The following RBPJ variants were observed in gnomAD, a reference collection of about 807,000 sequenced individuals.
The protein encoded by RBPJ is recombination signal binding protein for immunoglobulin kappa J region, also known as recombining binding protein suppressor of hairless.
A neutral mutation model predicts 67.8 loss-of-function variants in RBPJ; 9 were observed. That is an observed-to-expected ratio of 0.13 (90% CI 0.08 to 0.23). RBPJ has a LOEUF of 0.23. Among genes scored for constraint, RBPJ ranks in the 10% least tolerant of loss-of-function variants. The probability of loss-of-function intolerance (pLI) is 1.00; values close to 1 mark genes in which losing one functional copy is unlikely to be tolerated. For missense variants in RBPJ, 305 were observed against 595.6 expected, an observed-to-expected ratio of 0.51 and a Z score of 5.08; for synonymous variants, 198 against 203.3, an observed-to-expected ratio of 0.97 and a Z score of 0.22.
At chr4:26,182,885 C>T (rs945982223) in intron 1 of RBPJ, among the ~76,000 whole-genome samples, 5 of 152,194 alleles carry the variant, frequency 3.3e-5, no homozygotes, top group Admixed American at 1.3e-4. Flanking sequence ...TCACTGTCTT[C>T]TCCCTCCACA....
At chr4:26,179,667 CAG>C (rs1716913005) in intron 1 of RBPJ, among the ~76,000 whole-genome samples, 1 of 152,068 alleles carries the variant, frequency 6.6e-6, no homozygotes, top group East Asian at 1.9e-4. Context: ...CAAAAAATAA[CAG>C]ATGCTGGCAA....
chr4:26,351,953 G>A (rs191023051), intron 1 of RBPJ, among the ~76,000 whole-genome samples: 44 of 152,282 alleles, frequency 2.9e-4, no homozygotes, highest in Middle Eastern at 3.4e-3. Flanking sequence ...TTTGGGTCGG[G>A]GGGAGGTGTG....
intron 1 of RBPJ, among the ~76,000 whole-genome samples, chr4:26,228,059 T>C (rs1719141175): frequency 6.6e-6 from 1 of 152,182 alleles, no homozygotes; most frequent in Non-Finnish European, 1.5e-5. Flanking sequence ...TAGGAACACA[T>C]GGCCTCAGCC....
intron 1 of RBPJ, among the ~76,000 whole-genome samples, chr4:26,181,147 C>A (rs1215353319): frequency 6.6e-6 from 1 of 152,170 alleles, no homozygotes; most frequent in Non-Finnish European, 1.5e-5. Flanking sequence ...TCAGGTATGT[C>A]TTTATTAGCA....
At position 26,200,012 on chromosome 4, in the gene RBPJ, C is replaced by T. The variant is rs78684233; in HGVS notation, c.-167+36398C>T. 2.6e-4 allele frequency among the ~76,000 whole-genome samples: 40 copies of T among 152,304 alleles called. No homozygotes were observed. In the East Asian group the frequency reaches 6.8e-3, roughly 26 times the overall value. Reference sequence around the variant, plus strand: ...TGATGATGGAGGCCGGTGCCATCTTCGCTCCAGCAACGTTTCCACGTTGAG... The same window carrying T: ...TGATGATGGAGGCCGGTGCCATCTTTGCTCCAGCAACGTTTCCACGTTGAG... On this transcript the variant is annotated intron_variant, in intron 1 of 4. Transcript: ENST00000512351.
chr4:26,406,101 C>T (rs768929129), intron 2 of RBPJ, 74 bp from the exon 3 acceptor site: 5 of 936,244 alleles, frequency 5.3e-6, no homozygotes, highest in Non-Finnish European at 8.6e-6. Flanking sequence ...CCTCTCATTA[C>T]AGAGCGTAGT....
At chr4:26,308,232 G>C (rs1333264382) in intron 1 of RBPJ, among the ~76,000 whole-genome samples, 1 of 152,010 alleles carries the variant, frequency 6.6e-6, no homozygotes, top group Middle Eastern at 3.2e-3. Flanking sequence ...GCCGAGATCG[G>C]GCCACTGCCC....
chr4:26,389,727 A>T (rs1324317561), intron 2 of RBPJ, among the ~76,000 whole-genome samples: 1 of 152,026 alleles, frequency 6.6e-6, no homozygotes, highest in East Asian at 1.9e-4. Context: ...CAATTTCTTG[A>T]AACTAGCAAA....
chr4:26,191,198 TATATATATATATAG>T (rs1414572102), intron 1 of RBPJ, among the ~76,000 whole-genome samples: 79 of 28,956 alleles, frequency 2.7e-3, no homozygotes, highest in African/African-American at 6.2e-3. Context: ...TATATATATA[TATATATATATATAG>T]AGAGAGAGAG....
chr4:26,414,089 C>T (rs1422133187), intron 3 of RBPJ, among the ~76,000 whole-genome samples: 1 of 151,790 alleles, frequency 6.6e-6, no homozygotes, highest in Non-Finnish European at 1.5e-5. Flanking sequence ...AATAACAGTA[C>T]AAGAAGTGAG....
intron 1 of RBPJ, among the ~76,000 whole-genome samples, chr4:26,221,987 G>A (rs1283272410): frequency 3.3e-5 from 5 of 152,112 alleles, no homozygotes; most frequent in African/African-American, 1.2e-4. Context: ...ACTGAGAGGT[G>A]CTAATGGGTA....
intron 1 of RBPJ, among the ~76,000 whole-genome samples, chr4:26,176,508 A>G (rs1716799749): frequency 6.6e-6 from 1 of 152,202 alleles, no homozygotes; most frequent in Non-Finnish European, 1.5e-5. Context: ...TCACTCAGTA[A>G]ACAGCTGCTG....
intron 1 of RBPJ, among the ~76,000 whole-genome samples, chr4:26,347,469 G>A (rs1199339019): frequency 6.6e-6 from 1 of 152,194 alleles, no homozygotes; most frequent in East Asian, 1.9e-4. Context: ...TGAAGACAGA[G>A]TTCTAGAAGG....
chr4:26,129,610 C>T, the RBPJ span, among the ~76,000 whole-genome samples: 1 of 152,182 alleles, frequency 6.6e-6, no homozygotes, highest in African/African-American at 2.4e-5. Context: ...TCCCTTACAA[C>T]TCTTAAATTA....
chr4:26,124,147 C>T, the RBPJ span, among the ~76,000 whole-genome samples: 1 of 151,646 alleles, frequency 6.6e-6, no homozygotes, highest in South Asian at 2.1e-4. Flanking sequence ...ATGGGACACC[C>T]ATCAGCCGAG....
intron 2 of RBPJ, among the ~76,000 whole-genome samples, chr4:26,404,005 G>T (rs1375809559): frequency 6.6e-6 from 1 of 152,130 alleles, no homozygotes; most frequent in African/African-American, 2.4e-5. Context: ...ACCACCAACA[G>T]TGTATAAATG....
intron 1 of RBPJ, among the ~76,000 whole-genome samples, chr4:26,286,201 G>A (rs538843210): frequency 6.6e-6 from 1 of 152,168 alleles, no homozygotes; most frequent in African/African-American, 2.4e-5. Context: ...ACTGTGGGCT[G>A]GGCATGATGA....
At chr4:26,222,633 A>AATATATATATATATATAT (rs10673072) in intron 1 of RBPJ, among the ~76,000 whole-genome samples, 25 of 135,928 alleles carry the variant, frequency 1.8e-4, no homozygotes, top group African/African-American at 6.8e-4. Context: ...TGTACTCTGA[A>AATATATATATATATATAT]ATATATATAT....
At chr4:26,126,284 C>T in the RBPJ span, among the ~76,000 whole-genome samples, 1 of 152,232 alleles carries the variant, frequency 6.6e-6, no homozygotes, top group Non-Finnish European at 1.5e-5. Flanking sequence ...GAGACAGACA[C>T]TGCTGAAGAC....
Sources: gnomAD v4.1 joint callset for allele counts (sites outside exome capture counted in the v4.1 genomes callset) on GRCh38, gnomAD v4.1.1 for gene constraint, MANE v1.5 for transcripts, NCBI Gene and HGNC (gene_info 2026-07-23, HGNC 2026-07-21) for gene names.